The following TNRC6C variants were observed in gnomAD, a reference collection of about 807,000 sequenced individuals.
TNRC6C encodes trinucleotide repeat containing adaptor 6C.
A neutral mutation model predicts 153.7 loss-of-function variants in TNRC6C; 20 were observed. That is an observed-to-expected ratio of 0.13 (90% CI 0.09 to 0.19). The LOEUF (loss-of-function observed/expected upper bound fraction) is 0.19. Ranked by LOEUF, TNRC6C falls within the 10% of genes least tolerant of loss-of-function variation. The pLI is 1.00. For synonymous variants in TNRC6C, 811 were observed against 841.4 expected (o/e 0.96, Z 0.63); for missense variants, 1,987 against 2,172.0 (o/e 0.91, Z 1.69).
chr17:78,071,096 G>A (rs373391561), exon 6 of TNRC6C: 197 of 1,604,446 alleles, frequency 1.2e-4, no homozygotes, highest in Non-Finnish European at 1.5e-4. Flanking sequence ...GCATGAAGAC[G>A]TCTGGCAAGC....
At chr17:78,099,839 C>T (rs914324619) in intron 17 of TNRC6C, among the ~76,000 whole-genome samples, 4 of 152,188 alleles carry the variant, frequency 2.6e-5, no homozygotes, top group Admixed American at 1.3e-4. Context: ...AAGGCAAGTC[C>T]CTTCCACCTA....
At chr17:78,018,585 G>A (rs1004710853) in intron 1 of TNRC6C, among the ~76,000 whole-genome samples, 7 of 152,144 alleles carry the variant, frequency 4.6e-5, no homozygotes, top group Non-Finnish European at 8.8e-5. Context: ...GGAAAACAAC[G>A]AGTTTGAGCC....
chr17:78,091,798 A>G (rs1331032477), intron 14 of TNRC6C, among the ~76,000 whole-genome samples, 191 bp downstream of exon 16: 1 of 152,216 alleles, frequency 6.6e-6, no homozygotes. Context: ...AAACCCAACC[A>G]TTAGATCTTA....
chr17:78,034,051 C>T (rs2072130082), intron 2 of TNRC6C, among the ~76,000 whole-genome samples: 1 of 152,092 alleles, frequency 6.6e-6, no homozygotes, highest in Non-Finnish European at 1.5e-5. Context: ...TCTCCATGGC[C>T]TACTTTTTTC....
chr17:78,012,826 T>C (rs2071660316), intron 1 of TNRC6C, among the ~76,000 whole-genome samples: 1 of 152,240 alleles, frequency 6.6e-6, no homozygotes, highest in Admixed American at 6.5e-5. Context: ...GGTTGTGATT[T>C]ATCTATCTCA....
intron 13 of TNRC6C, among the ~76,000 whole-genome samples, chr17:78,087,424 A>T (rs2073315480): frequency 6.6e-6 from 1 of 151,976 alleles, no homozygotes; most frequent in Non-Finnish European, 1.5e-5. Context: ...AGCCTCAAGG[A>T]TTTGTAATAA....
intron 1 of TNRC6C, among the ~76,000 whole-genome samples, chr17:78,031,106 TAAAAA>T (rs907737702): frequency 1.4e-5 from 2 of 145,032 alleles, no homozygotes; most frequent in African/African-American, 2.5e-5. Flanking sequence ...GTCTCACACT[TAAAAA>T]AAAAAAGAAA....
At chr17:78,053,746 G>A (rs2072586253) in intron 3 of TNRC6C, among the ~76,000 whole-genome samples, 1 of 152,090 alleles carries the variant, frequency 6.6e-6, no homozygotes, top group African/African-American at 2.4e-5. Flanking sequence ...GTAAAGGTAT[G>A]CAGAAAGTGA....
chr17:77,971,558 T>C (rs2070939997), intron 1 of TNRC6C, among the ~76,000 whole-genome samples: 1 of 152,204 alleles, frequency 6.6e-6, no homozygotes, highest in Admixed American at 6.5e-5. Context: ...ACTGCACCCC[T>C]GTTCTTGCCC....
intron 1 of TNRC6C, among the ~76,000 whole-genome samples, chr17:77,998,844 C>T (rs1174707097): frequency 1.3e-5 from 2 of 152,172 alleles, no homozygotes; most frequent in African/African-American, 4.8e-5. Context: ...GGATTTTATC[C>T]TGGACGTTTT....
intron 10 of TNRC6C, among the ~76,000 whole-genome samples, chr17:78,080,694 T>C (rs1432778336): frequency 6.6e-6 from 1 of 152,184 alleles, no homozygotes; most frequent in Non-Finnish European, 1.5e-5. Context: ...AGGGCTCTAG[T>C]TGATACGTAA....
chr17:77,983,419 C>T (rs775313682), intron 1 of TNRC6C, among the ~76,000 whole-genome samples: 4 of 152,156 alleles, frequency 2.6e-5, no homozygotes, highest in African/African-American at 9.7e-5. Flanking sequence ...TAATGCTATA[C>T]AATGGGGGCA....
At chr17:78,065,011 A>T in intron 4 of TNRC6C, 74 bp downstream of exon 6, 1 of 1,465,576 alleles carries the variant, frequency 6.8e-7, no homozygotes, top group Non-Finnish European at 9.2e-7. Context: ...TAAAGATTAG[A>T]GTTTTAGGAT....
chr17:78,050,511 T>C, exon 3 of TNRC6C: 1 of 1,613,996 alleles, frequency 6.2e-7, no homozygotes, highest in South Asian at 1.1e-5. Context: ...GTTGTGCAGC[T>C]ACTCAGGCTT....
intron 1 of TNRC6C, among the ~76,000 whole-genome samples, chr17:77,997,526 C>G (rs370975438): frequency 1.3e-5 from 2 of 152,162 alleles, no homozygotes; most frequent in African/African-American, 4.8e-5. Context: ...CTCAATGCCC[C>G]CAACACATAC....
At chr17:78,078,522 A>G (rs1239553081) in intron 9 of TNRC6C, among the ~76,000 whole-genome samples, 2 of 152,220 alleles carry the variant, frequency 1.3e-5, no homozygotes, top group Non-Finnish European at 2.9e-5. Context: ...ATCACCACAC[A>G]TTATTACCCT....
In TNRC6C at chr17:78,048,720, T is replaced by C. The variant is rs147106586; in HGVS notation, c.-218-125T>C. The C allele has an allele frequency of 2.8e-3, 2,688 of 961,554 alleles. 154 individuals carry two copies. In the Admixed American group the frequency reaches 0.098, roughly 35 times the overall value. The allele number at this position is 961,554 out of a possible 1,614,324, so 59.6% of individuals were successfully genotyped here. On this transcript the variant is annotated intron_variant, in intron 2 of 19. Coordinates refer to ENST00000301624, the Ensembl canonical transcript of TNRC6C. ...AATAGCTTTTTTCTTTAAGTCATTT[T>C]TTTAGTGTTTGTCATTCAGATTTGA...
chr17:78,094,609 T>G (rs2073451315), intron 16 of TNRC6C, among the ~76,000 whole-genome samples: 1 of 152,086 alleles, frequency 6.6e-6, no homozygotes, highest in African/African-American at 2.4e-5. Flanking sequence ...CAGCTAATTT[T>G]TTCTATTTTT....
exon 20 of TNRC6C, chr17:78,107,952 C>T (rs943398327): frequency 6.6e-5 from 10 of 152,360 alleles, no homozygotes; most frequent in Admixed American, 4.6e-4. Context: ...GCACTTTGAG[C>T]ACAGTGGAAC....
Sources: allele counts gnomAD v4.1 joint callset (sites outside exome capture counted in the v4.1 genomes callset), GRCh38; gene constraint gnomAD v4.1.1; transcripts MANE v1.5; gene names NCBI Gene and HGNC (gene_info 2026-07-23, HGNC 2026-07-21).